GALNTL6: variants seen among roughly 807,000 people sequenced by gnomAD.
The protein encoded by GALNTL6 is polypeptide N-acetylgalactosaminyltransferase like 6.
Under a neutral mutation model 73.7 loss-of-function variants are expected in GALNTL6, and 46 were observed. The ratio of observed to expected loss-of-function variants is 0.62; its 90% confidence interval spans 0.49 to 0.80. The LOEUF (loss-of-function observed/expected upper bound fraction) is 0.80. Ranked by LOEUF, GALNTL6 falls within the 30% of genes least tolerant of loss-of-function variation. The pLI is 0.00. For missense variants in GALNTL6, 604 were observed against 755.0 expected (o/e 0.80, Z 2.34); for synonymous variants, 259 against 263.7 (o/e 0.98, Z 0.17).
intron 5 of GALNTL6, among the ~76,000 whole-genome samples, chr4:172,768,260 T>C (rs1468123412): frequency 1.3e-5 from 2 of 152,028 alleles, no homozygotes; most frequent in African/African-American, 4.8e-5. Context: ...GAACTTACAA[T>C]CAGCAGGAGA....
intron 5 of GALNTL6, among the ~76,000 whole-genome samples, chr4:172,385,034 T>G (rs891076442): frequency 6.6e-6 from 1 of 151,264 alleles, no homozygotes; most frequent in Non-Finnish European, 1.5e-5. Flanking sequence ...TTTTGTTTTT[T>G]TTTTTTTACC....
intron 2 of GALNTL6, among the ~76,000 whole-genome samples, chr4:171,877,878 C>A (rs897559335): frequency 6.6e-6 from 1 of 152,134 alleles, no homozygotes; most frequent in Non-Finnish European, 1.5e-5. Context: ...AAAATGACTG[C>A]AAATTAGACA....
At chr4:172,542,617 A>T (rs1333644565) in intron 5 of GALNTL6, among the ~76,000 whole-genome samples, 1 of 152,084 alleles carries the variant, frequency 6.6e-6, no homozygotes, top group African/African-American at 2.4e-5. Flanking sequence ...GACTAGCTAC[A>T]TACTCTAACA....
At chr4:172,526,722 G>A (rs994767851) in intron 5 of GALNTL6, among the ~76,000 whole-genome samples, 2 of 152,060 alleles carry the variant, frequency 1.3e-5, no homozygotes, top group African/African-American at 2.4e-5. Context: ...AATCAGAATC[G>A]TACTTCTTAG....
chr4:173,031,082 C>G (rs1459729452), intron 12 of GALNTL6, among the ~76,000 whole-genome samples: 5 of 152,042 alleles, frequency 3.3e-5, no homozygotes, highest in Non-Finnish European at 7.4e-5. Flanking sequence ...GTCACTGGCC[C>G]CACTGTGGAT....
chr4:171,900,510 G>C (rs1439405238), intron 2 of GALNTL6, among the ~76,000 whole-genome samples: 1 of 151,018 alleles, frequency 6.6e-6, no homozygotes. Context: ...AGTAGAGATG[G>C]GGTTTCACCA....
intron 5 of GALNTL6, among the ~76,000 whole-genome samples, chr4:172,452,046 G>T (rs1361644155): frequency 1.3e-5 from 2 of 152,000 alleles, no homozygotes; most frequent in Non-Finnish European, 2.9e-5. Flanking sequence ...AGTTAAATTT[G>T]TTTCCAAAAA....
intron 5 of GALNTL6, among the ~76,000 whole-genome samples, chr4:172,430,303 CAGAA>C (rs1731395921): frequency 6.6e-6 from 1 of 151,798 alleles, no homozygotes; most frequent in South Asian, 2.1e-4. Context: ...GATAGAGAGA[CAGAA>C]AGAGAGAGAG....
chr4:172,748,640 C>A (rs1737248237), intron 5 of GALNTL6, among the ~76,000 whole-genome samples: 1 of 152,006 alleles, frequency 6.6e-6, no homozygotes, highest in African/African-American at 2.4e-5. Context: ...AAAAGTTGGT[C>A]AACACATACA....
chr4:172,981,333 T>C (rs561419609), intron 10 of GALNTL6, among the ~76,000 whole-genome samples: 22 of 152,344 alleles, frequency 1.4e-4, no homozygotes, highest in Non-Finnish European at 2.4e-4. Context: ...GCACGAGGGT[T>C]CCAATTTCTC....
chr4:173,039,871 T>C, intron 12 of GALNTL6, 62 bp from the exon 13 acceptor site: 1 of 1,240,140 alleles, frequency 8.1e-7, no homozygotes, highest in Non-Finnish European at 1.1e-6. Flanking sequence ...TCTGTATATT[T>C]TGGGTTGTAA....
intron 2 of GALNTL6, among the ~76,000 whole-genome samples, chr4:171,826,528 G>A (rs779369604): frequency 3.9e-5 from 6 of 152,050 alleles, no homozygotes; most frequent in African/African-American, 1.2e-4. Context: ...CTATTGGAGG[G>A]GGTAGGGGAG....
At chr4:172,322,770 C>G (rs2111166673) in intron 4 of GALNTL6, among the ~76,000 whole-genome samples, 1 of 152,156 alleles carries the variant, frequency 6.6e-6, no homozygotes, top group Middle Eastern at 3.4e-3. Flanking sequence ...CAGGCCCCAC[C>G]TTCAACATTA....
At position 171,813,749 on chromosome 4, in the gene GALNTL6, A is replaced by T. The variant is rs1734444227; in HGVS notation, c.-411A>T. ...AGGATCGCATTCCGAGGACCGCGCG[A>T]GGAAGGGACGTCGCGGCGCCACCAC... On this transcript the variant is annotated 5_prime_UTR_variant, in exon 1 of 13. Transcript: ENST00000506823. This position sits in a 1 kb window ranked among gnomAD's most constrained non-coding sequence, Gnocchi z 5.2. 1 of 152,204 alleles carries T rather than the reference A, an allele frequency of 6.6e-6. No homozygotes were observed. The highest frequency in any genetic ancestry group is 1.5e-5 in the Non-Finnish European group (1 of 68,086). The allele number at this position is 152,204 out of a possible 1,614,324, so 9.4% of individuals were successfully genotyped here.
chr4:172,102,003 T>C (rs1732532551), intron 2 of GALNTL6, among the ~76,000 whole-genome samples: 1 of 152,140 alleles, frequency 6.6e-6, no homozygotes. Context: ...TTATAAACTA[T>C]ACAGTTCTTA....
intron 5 of GALNTL6, among the ~76,000 whole-genome samples, chr4:172,591,906 T>G (rs1430945042): frequency 6.6e-6 from 1 of 152,152 alleles, no homozygotes; most frequent in Non-Finnish European, 1.5e-5. Flanking sequence ...TATCAATTCC[T>G]AGAAAAACCC....
intron 3 of GALNTL6, among the ~76,000 whole-genome samples, chr4:172,270,723 G>A (rs943359956): frequency 7.9e-6 from 1 of 126,504 alleles, no homozygotes; most frequent in African/African-American, 2.9e-5. Flanking sequence ...TTGATAGGTA[G>A]GTAGATGATA....
Position 172,734,994 on chromosome 4 carries a change from T to A in GALNTL6, c.554-74367T>A, listed in dbSNP as rs565055435. On this transcript the variant is annotated intron_variant, in intron 5 of 12. Coordinates refer to ENST00000506823, the MANE Select transcript of GALNTL6 (RefSeq NM_001034845.3). ...TCAAAGGCAGGGGTGTGCTGCAGGGTTGTAGCCCTTATGGAGAGCCTCTGC... is the reference window on the plus strand; with the variant it reads ...TCAAAGGCAGGGGTGTGCTGCAGGGATGTAGCCCTTATGGAGAGCCTCTGC... 1.3e-4 allele frequency among the ~76,000 whole-genome samples: 20 copies of A among 152,274 alleles called. No homozygotes were observed. In the South Asian group the frequency reaches 3.3e-3, roughly 25 times the overall value.
intron 5 of GALNTL6, among the ~76,000 whole-genome samples, chr4:172,766,698 T>G (rs574309884): frequency 6.6e-6 from 1 of 152,320 alleles, no homozygotes; most frequent in East Asian, 1.9e-4. Flanking sequence ...AAGAAGTTTC[T>G]TTTAGTGCAA....
Sources: gnomAD v4.1 joint callset for allele counts (sites outside exome capture counted in the v4.1 genomes callset) on GRCh38, gnomAD v4.1.1 for gene constraint, Gnocchi (gnomAD v3.1) non-coding constraint, MANE v1.5 for transcripts, NCBI Gene and HGNC (gene_info 2026-07-23, HGNC 2026-07-21) for gene names.